Variants in SORBS2 observed in about 807,000 individuals in gnomAD.
SORBS2 encodes sorbin and SH3 domain-containing protein 2.
SORBS2 carries 46 observed loss-of-function variants against 97.7 expected under a neutral mutation model. The ratio of observed to expected loss-of-function variants is 0.47; its 90% confidence interval spans 0.37 to 0.60. The LOEUF (loss-of-function observed/expected upper bound fraction) is 0.60, where lower values mean the gene tolerates loss of function less well. Among genes scored for constraint, SORBS2 ranks in the 20% least tolerant of loss-of-function variants. SORBS2 has a pLI of 0.00. For missense variants in SORBS2, 1,316 were observed against 1,282.3 expected, an observed-to-expected ratio of 1.03 and a Z score of -0.40; for synonymous variants, 476 against 473.4, an observed-to-expected ratio of 1.01 and a Z score of -0.07.
chr4:185,749,469 A>G (rs1262189763), intron 2 of SORBS2, among the ~76,000 whole-genome samples: 1 of 150,530 alleles, frequency 6.6e-6, no homozygotes, highest in Non-Finnish European at 1.5e-5. Flanking sequence ...AAGAAAAAAA[A>G]CTTTTAAGAT....
At chr4:185,696,450 C>T (rs948770130) in intron 2 of SORBS2, among the ~76,000 whole-genome samples, 3 of 152,066 alleles carry the variant, frequency 2.0e-5, no homozygotes, top group Non-Finnish European at 4.4e-5. Context: ...ATTGGTCCAG[C>T]ACCTTACTTT....
chr4:185,670,515 T>C (rs1440974687), intron 4 of SORBS2, among the ~76,000 whole-genome samples: 2 of 152,048 alleles, frequency 1.3e-5, no homozygotes, highest in Non-Finnish European at 2.9e-5. Context: ...ATAAGGAATA[T>C]ATATTAAATG....
chr4:185,762,239 A>T (rs2098899419), intron 2 of SORBS2, among the ~76,000 whole-genome samples: 1 of 152,226 alleles, frequency 6.6e-6, no homozygotes, highest in African/African-American at 2.4e-5. Flanking sequence ...ACCATCGTCA[A>T]GATCCAGCCC....
At chr4:185,825,898 G>A (rs1322204939) in intron 1 of SORBS2, among the ~76,000 whole-genome samples, 7 of 152,088 alleles carry the variant, frequency 4.6e-5, no homozygotes, top group African/African-American at 1.7e-4. Flanking sequence ...GACCTAGCTG[G>A]CTCAAGACTT....
chr4:185,866,392 T>C (rs921494942), intron 1 of SORBS2, among the ~76,000 whole-genome samples: 3 of 152,240 alleles, frequency 2.0e-5, no homozygotes, highest in Non-Finnish European at 2.9e-5. Context: ...GCCTTGGAAC[T>C]GGGTTTTACT....
intron 1 of SORBS2, among the ~76,000 whole-genome samples, chr4:185,851,445 G>C (rs2099217836): frequency 6.6e-6 from 1 of 152,118 alleles, no homozygotes; most frequent in Non-Finnish European, 1.5e-5. Flanking sequence ...TATGAGACAG[G>C]AATAAGCAAG....
intron 2 of SORBS2, among the ~76,000 whole-genome samples, chr4:185,741,661 G>T (rs1041546171): frequency 1.3e-5 from 2 of 152,038 alleles, no homozygotes; most frequent in Admixed American, 6.5e-5. Context: ...ACCGCACCCG[G>T]CCTGTCCTCA....
chr4:185,699,977 C>T (rs1170385157), intron 2 of SORBS2, among the ~76,000 whole-genome samples: 2 of 152,060 alleles, frequency 1.3e-5, no homozygotes, highest in East Asian at 1.9e-4. Flanking sequence ...TACCCTGTTC[C>T]GACTGTGTCT....
intron 1 of SORBS2, among the ~76,000 whole-genome samples, chr4:185,886,997 C>T (rs974949099): frequency 1.3e-5 from 2 of 152,162 alleles, no homozygotes; most frequent in Non-Finnish European, 2.9e-5. Context: ...GAGGAAGGAC[C>T]TTCCAGCCAG....
At chr4:185,647,269 A>C (rs1050137995) in intron 3 of SORBS2, among the ~76,000 whole-genome samples, 1 of 152,112 alleles carries the variant, frequency 6.6e-6, no homozygotes, top group African/African-American at 2.4e-5. Flanking sequence ...AACCAGAGTC[A>C]AACATCTCAT....
chr4:185,813,801 G>A (rs1401273816), intron 1 of SORBS2, among the ~76,000 whole-genome samples: 1 of 152,150 alleles, frequency 6.6e-6, no homozygotes, highest in East Asian at 1.9e-4. Flanking sequence ...GACCTCTTCT[G>A]CGACTCCCCT....
chr4:185,734,967 C>G (rs941116436), intron 2 of SORBS2, among the ~76,000 whole-genome samples: 1 of 152,232 alleles, frequency 6.6e-6, no homozygotes, highest in Non-Finnish European at 1.5e-5. Context: ...AGGGACTGCT[C>G]TCTACAACTT....
rs146562618 is a variant in SORBS2, at chr4:185,715,032, A to G, written c.-197-36210T>C. On this transcript the variant is annotated intron_variant, in intron 2 of 20. Coordinates refer to the SORBS2 transcript ENST00000284776. The stretch of plus-strand genomic sequence containing the variant: ...CTTGTAAATCATTAAAAAGAAGACC[A>G]CTTTACCATGGCATTTTTCACGACA... Among the ~76,000 whole-genome samples, 22 of 152,278 alleles carry G rather than the reference A, an allele frequency of 1.4e-4. No individual in the cohort carries two copies. In the East Asian group the frequency reaches 4.0e-3, roughly 28 times the overall value.
chr4:185,798,231 A>G (rs2099114942), intron 1 of SORBS2, among the ~76,000 whole-genome samples: 1 of 152,200 alleles, frequency 6.6e-6, no homozygotes, highest in South Asian at 2.1e-4. Context: ...ACCACTCTTT[A>G]GGATAATGTA....
chr4:185,721,851 A>G (rs1184036745), intron 2 of SORBS2, among the ~76,000 whole-genome samples: 1 of 152,226 alleles, frequency 6.6e-6, no homozygotes, highest in African/African-American at 2.4e-5. Context: ...TTGGTTCCGT[A>G]TAATTAGGCC....
chr4:185,718,159 A>G (rs1034590453), intron 2 of SORBS2, among the ~76,000 whole-genome samples: 1 of 152,108 alleles, frequency 6.6e-6, no homozygotes, highest in Non-Finnish European at 1.5e-5. Flanking sequence ...TGAGCCTGGG[A>G]GACAGGCGCT....
intron 1 of SORBS2, among the ~76,000 whole-genome samples, chr4:185,817,041 T>A (rs2099193663): frequency 6.6e-6 from 1 of 152,162 alleles, no homozygotes; most frequent in African/African-American, 2.4e-5. Context: ...GAGAGCCCGG[T>A]CTTTACTGGC....
Position 185,695,394 on chromosome 4 carries a change from A to T in SORBS2, c.-197-16572T>A, listed in dbSNP as rs116062630. Among the ~76,000 whole-genome samples the T allele has an allele frequency of 3.7e-3, 569 of 152,270 alleles. 3 individuals are homozygous for T. The highest frequency in any genetic ancestry group is 0.013 in the African/African-American group (547 of 41,562). On this transcript the variant is annotated intron_variant, in intron 2 of 20. Transcript: ENST00000284776. Reference sequence around the variant, plus strand: ...AAAAGATTTTCCACAGACGAACCTTAAGCCAATACATTGCTACTGTTATTT... The same window carrying T: ...AAAAGATTTTCCACAGACGAACCTTTAGCCAATACATTGCTACTGTTATTT...
intron 1 of SORBS2, among the ~76,000 whole-genome samples, chr4:185,855,991 T>A (rs1169681878): frequency 6.6e-6 from 1 of 152,208 alleles, no homozygotes; most frequent in Non-Finnish European, 1.5e-5. Context: ...ACAATAAATG[T>A]TAAGTCAGGT....
Sources: gnomAD v4.1 joint callset for allele counts (sites outside exome capture counted in the v4.1 genomes callset) on GRCh38, gnomAD v4.1.1 for gene constraint, MANE v1.5 for transcripts, NCBI Gene and HGNC (gene_info 2026-07-23, HGNC 2026-07-21) for gene names.